Variants in COPG1 observed in about 807,000 individuals in gnomAD.
COPG1 encodes coatomer subunit gamma-1.
COPG1 carries 29 observed loss-of-function variants against 102.8 expected under a neutral mutation model. The ratio of observed to expected loss-of-function variants is 0.28; its 90% CI spans 0.21 to 0.38. The LOEUF (loss-of-function observed/expected upper bound fraction) is 0.38, where lower values mean the gene tolerates loss of function less well. Ranked by LOEUF, COPG1 falls within the 10% of genes least tolerant of loss-of-function variation. The probability of loss-of-function intolerance (pLI) is 1.00; values close to 1 mark genes in which losing one functional copy is unlikely to be tolerated. For synonymous variants in COPG1, 406 were observed against 421.6 expected, an observed-to-expected ratio of 0.96 and a Z score of 0.45; for missense variants, 875 against 1,132.7, an observed-to-expected ratio of 0.77 and a Z score of 3.27.
chr3:129,249,696 C>T lies in COPG1; in HGVS notation c.-14C>T, dbSNP rs757849838. 3.2e-6 allele frequency: 5 copies of T among 1,551,386 alleles called. No homozygotes were observed. The South Asian group carries it at 6.0e-5, about 18-fold the overall frequency. On this transcript the variant is annotated 5_prime_UTR_variant, in exon 1 of 24. Coordinates refer to ENST00000314797, the MANE Select transcript of COPG1 (RefSeq NM_016128.4). ...GAGCATTGCGTTGCTGCATTGCGCCCCACCGACTCCACTATGTTGAAGAAA... is the reference window on the plus strand; with the variant it reads ...GAGCATTGCGTTGCTGCATTGCGCCTCACCGACTCCACTATGTTGAAGAAA...
In COPG1 at chr3:129,263,909, G is replaced by A. The variant is rs1939999289; in HGVS notation, c.1134G>A (p.Val378=). Residue 378 remains valine, a synonymous_variant, in exon 13 of 24, where the codon GTG becomes GTA. Transcript: ENST00000314797. ...TGCACGTCTATTTCATTTAGGTGGT[G>A]GTTGTCCAGGCCATCAGTGCCCTGT... ...MSEISDEFKV[V]VVQAISALCQ... is the part of the protein sequence containing the mutation. 6.2e-6 allele frequency: 10 copies of A among 1,613,940 alleles called. No homozygotes were observed. Among genetic ancestry groups the A allele is most frequent in the Non-Finnish European group, 8.5e-6 (10 of 1,179,924 alleles).
At position 129,252,705 on chromosome 3, in the gene COPG1, C is replaced by T; in HGVS notation, c.243+11C>T. 6.2e-7 allele frequency: 1 copy of T among 1,613,104 alleles called. No individual in the cohort carries two copies. The highest frequency in any genetic ancestry group is 8.5e-7 in the Non-Finnish European group (1 of 1,179,138). On this transcript the variant is annotated intron_variant, in intron 4 of 23. Coordinates refer to ENST00000314797, the MANE Select transcript of COPG1 (RefSeq NM_016128.4). ...TTTCAGTCCAATGATGTAAGTGCCT[C>T]AACCCAGCTTTCCTTGAGAGGTGGC...
At chr3:129,256,003 C>T (rs1040259340) in intron 7 of COPG1, 65 bp from the exon 8 acceptor site, 19 of 1,430,844 alleles carry the variant, frequency 1.3e-5, no homozygotes, top group Admixed American at 3.4e-5. Context: ...AAGACCAGAA[C>T]TGGGCCCAGA....
chr3:129,252,776 A>T, intron 4 of COPG1, 82 bp downstream of exon 4: 2 of 1,536,830 alleles, frequency 1.3e-6, no homozygotes, highest in Non-Finnish European at 1.8e-6. Context: ...TGGCCCCACC[A>T]GTCAGTGTGG....
intron 15 of COPG1, 112 bp downstream of exon 15, chr3:129,267,211 A>T (rs1419443222): frequency 1.4e-6 from 1 of 728,214 alleles, no homozygotes; most frequent in African/African-American, 1.8e-5. Flanking sequence ...TTATACAGCT[A>T]CTGATTGTAG....
intron 21 of COPG1, chr3:129,274,137 G>C (rs1940226328): frequency 2.2e-6 from 1 of 455,764 alleles, no homozygotes; most frequent in Non-Finnish European, 4.4e-6. Flanking sequence ...CTAAGACCAA[G>C]TGAGCTCCTT....
intron 18 of COPG1, among the ~76,000 whole-genome samples, chr3:129,270,024 T>A (rs1213389029): frequency 5.6e-5 from 8 of 142,390 alleles, no homozygotes; most frequent in Admixed American, 5.5e-4. Context: ...CAGAGTAGAG[T>A]GATTTGAAGA....
rs771498606 is a variant in COPG1 at position 129,271,924 on chromosome 3, C to T, written c.1986+15C>T. 8.1e-6 allele frequency: 13 copies of T among 1,612,972 alleles called. No individual in the cohort carries two copies. The highest frequency in any genetic ancestry group is 1.1e-5 in the Non-Finnish European group (13 of 1,179,466). ...TGGTTTTTCAGGTGAGCAAGGTGGG[C>T]TGAGGCCCTGCTGGGGCATGCGCCC... On this transcript the variant is annotated intron_variant, in intron 19 of 23. Coordinates refer to ENST00000314797, the MANE Select transcript of COPG1 (RefSeq NM_016128.4). The surrounding 1 kb of genome is among the most constrained non-coding windows in gnomAD (Gnocchi z 4.7).
intron 13 of COPG1, 133 bp from the exon 14 acceptor site, chr3:129,265,416 T>G: frequency 9.4e-7 from 1 of 1,069,224 alleles, no homozygotes; most frequent in Non-Finnish European, 1.4e-6. Flanking sequence ...CAGGAAAGAG[T>G]GATAGAGGCC....
At chr3:129,262,345 TG>T (rs1287675868) in intron 12 of COPG1, among the ~76,000 whole-genome samples, 1 of 151,576 alleles carries the variant, frequency 6.6e-6, no homozygotes, top group Non-Finnish European at 1.5e-5. Context: ...CTCCGCCTCC[TG>T]GGTTCACGCC....
In COPG1 at chr3:129,276,823, CT is replaced by C. The variant is rs34883126; in HGVS notation, c.2495-453del. Among the ~76,000 whole-genome samples, 696 of 129,932 alleles carry C rather than the reference CT, an allele frequency of 5.4e-3. 4 individuals are homozygous for C. The highest frequency in any genetic ancestry group is 8.6e-3 in the Admixed American group (108 of 12,546). The allele number at this position is 129,932 out of a possible 152,430, so 85.2% of individuals were successfully genotyped here. The stretch of plus-strand genomic sequence containing the variant: ...TGAAGTCCTGAGAGACAGTGACTTT[CT>C]TTTTTTTTTTTTTTTTTGAGACGGA... On this transcript the variant is annotated intron_variant, in intron 23 of 23. Coordinates refer to ENST00000314797, the MANE Select transcript of COPG1 (RefSeq NM_016128.4).
In COPG1 at chr3:129,275,175, T is replaced by C. The variant is rs1940242206; in HGVS notation, c.2396-19T>C. 2 of 1,607,758 alleles carry C rather than the reference T, an allele frequency of 1.2e-6. No individual in the cohort carries two copies. Among genetic ancestry groups the C allele is most frequent in the African/African-American group, 1.3e-5 (1 of 74,768 alleles). On this transcript the variant is annotated intron_variant, in intron 22 of 23. Coordinates refer to ENST00000314797, the MANE Select transcript of COPG1 (RefSeq NM_016128.4). This position sits in a 1 kb window ranked among gnomAD's most constrained non-coding sequence, Gnocchi z 5.0. ...GGGCAGATAAGATGGCTTAACAATA[T>C]TGGGATTTCTCATTACAGAGGCTGT...
Position 129,271,433 on chromosome 3 carries a change from G to A in COPG1, c.1844-334G>A, listed in dbSNP as rs570222403. Among the ~76,000 whole-genome samples the A allele has an allele frequency of 6.6e-6, 1 of 152,240 alleles. No homozygotes were observed. Among genetic ancestry groups the A allele is most frequent in the African/African-American group, 2.4e-5 (1 of 41,546 alleles). On this transcript the variant is annotated intron_variant, in intron 18 of 23. Transcript: ENST00000314797. The surrounding 1 kb of genome is among the most constrained non-coding windows in gnomAD (Gnocchi z 4.7). ...TTTTAAGAATCCTTGCTGCGGTAGG[G>A]GGCGGAAATCCTTGCTAAGCTTCTA...
chr3:129,252,784 T>C, intron 4 of COPG1, 90 bp downstream of exon 4: 1 of 1,540,336 alleles, frequency 6.5e-7, no homozygotes, highest in Non-Finnish European at 9.0e-7. Flanking sequence ...CCAGTCAGTG[T>C]GGGCTGCCTT....
At chr3:129,261,493 A>G (rs1240349857) in intron 12 of COPG1, among the ~76,000 whole-genome samples, 1 of 152,210 alleles carries the variant, frequency 6.6e-6, no homozygotes, top group East Asian at 1.9e-4. Flanking sequence ...ATTGCAAGGA[A>G]GACATTGGAA....
rs6802965 is a variant in COPG1 at position 129,260,413 on chromosome 3, C to G, written c.939+13C>G. 0.12 allele frequency: 200,998 copies of G among 1,612,034 alleles called. 19,742 individuals are homozygous for G. Among genetic ancestry groups the G allele is most frequent in the African/African-American group, 0.53 (39,571 of 74,868 alleles). The stretch of plus-strand genomic sequence containing the variant: ...TACCCTCAATAAGGTAAGAGTCCAG[C>G]TTGGGGGTTGGAGGAAGCTGTCTGA... On this transcript the variant is annotated intron_variant, in intron 11 of 23. Coordinates refer to ENST00000314797, the MANE Select transcript of COPG1 (RefSeq NM_016128.4).
Position 129,272,346 on chromosome 3 carries a change from A to T in COPG1, c.2089A>T (p.Ser697Cys). ...GGTGCTCTGTTACGTGCCTGCCCGG[A>T]GCCTGCCCTACAACCAGCCCGGGAC... is the stretch of plus-strand genomic sequence containing the variant. The part of the protein sequence containing the change: ...YEVLCYVPAR[S>C]LPYNQPGTCY... The change falls in exon 20 of 24, where the codon AGC (serine) becomes TGC (cysteine). Residue 697 changes from serine to cysteine, a missense_variant. Ser to Cys is a moderately radical substitution (Grantham distance 112). Coordinates refer to ENST00000314797, the MANE Select transcript of COPG1 (RefSeq NM_016128.4). 1.9e-6 allele frequency: 3 copies of T among 1,614,076 alleles called. No homozygotes were observed. The highest frequency in any genetic ancestry group is 2.5e-6 in the Non-Finnish European group (3 of 1,180,000).
rs370723106 is a variant in COPG1, at chr3:129,254,750, C to T, written c.399+7C>T. 9.0e-5 allele frequency: 145 copies of T among 1,611,818 alleles called. No homozygotes were observed. In the African/African-American group the frequency reaches 1.5e-3, roughly 16 times the overall value. On this transcript the variant is annotated splice_region_variant and intron_variant, in intron 6 of 23. Transcript: ENST00000314797. Reference sequence around the variant, plus strand: ...CCTCTGCCAGATCACTGATGTGAGTCGTGCCGGTTCCTCCCTGCTTCCTGG... The same window carrying T: ...CCTCTGCCAGATCACTGATGTGAGTTGTGCCGGTTCCTCCCTGCTTCCTGG...
chr3:129,260,245 G>A, intron 10 of COPG1, 88 bp from the exon 11 acceptor site: 1 of 1,206,144 alleles, frequency 8.3e-7, no homozygotes, highest in Admixed American at 1.8e-5. Context: ...GAGCTGAGCA[G>A]AGGGTTTGAG....
Sources: allele counts gnomAD v4.1 joint callset (sites outside exome capture counted in the v4.1 genomes callset), GRCh38; gene constraint gnomAD v4.1.1; non-coding constraint Gnocchi (gnomAD v3.1); transcripts MANE v1.5; gene names NCBI Gene and HGNC (gene_info 2026-07-23, HGNC 2026-07-21).